KIAA1328: variants seen among roughly 807,000 people sequenced by gnomAD.
KIAA1328 encodes KIAA1328.
KIAA1328 carries 52 observed loss-of-function variants against 68.1 expected under a neutral mutation model. That is an observed-to-expected ratio of 0.76 (90% CI 0.61 to 0.96). The LOEUF is 0.96. KIAA1328 is among the 40% of genes least tolerant of loss of function. The pLI is 0.00. For synonymous variants in KIAA1328, 232 were observed against 239.4 expected (o/e 0.97, Z 0.28); for missense variants, 641 against 677.6 (o/e 0.95, Z 0.60).
At chr18:36,871,594 A>G (rs1182986885) in intron 4 of KIAA1328, among the ~76,000 whole-genome samples, 1 of 152,166 alleles carries the variant, frequency 6.6e-6, no homozygotes, top group Non-Finnish European at 1.5e-5. Context: ...ACAAATGAAT[A>G]TGTAAGCAAG....
At chr18:37,071,222 G>C (rs1402732421) in intron 7 of KIAA1328, among the ~76,000 whole-genome samples, 2 of 151,796 alleles carry the variant, frequency 1.3e-5, no homozygotes, top group African/African-American at 4.8e-5. Flanking sequence ...ACAGGCACGT[G>C]CTGCCATGCC....
Position 36,936,340 on chromosome 18 carries a change from T to C in KIAA1328, c.449-22968T>C, listed in dbSNP as rs1342005132. 2.0e-5 allele frequency among the ~76,000 whole-genome samples: 3 copies of C among 152,156 alleles called. No individual in the cohort carries two copies. The East Asian group carries it at 5.8e-4, about 29-fold the overall frequency. ...CCTCTCTGTGTCCATGTGTTCTCAT[T>C]GTGCAACTCCCACTTATGAGTGAGA... On this transcript the variant is annotated intron_variant, in intron 5 of 9. Coordinates refer to ENST00000280020, the MANE Select transcript of KIAA1328 (RefSeq NM_020776.3).
At chr18:37,190,051 A>G (rs2059876259) in intron 9 of KIAA1328, among the ~76,000 whole-genome samples, 1 of 152,188 alleles carries the variant, frequency 6.6e-6, no homozygotes, top group African/African-American at 2.4e-5. Context: ...TAAAAAAGCA[A>G]AAACTCTTCC....
At chr18:37,164,878 G>A (rs1168862764) in intron 8 of KIAA1328, among the ~76,000 whole-genome samples, 1 of 152,100 alleles carries the variant, frequency 6.6e-6, no homozygotes, top group Non-Finnish European at 1.5e-5. Flanking sequence ...TAAATGTATA[G>A]TGTGATAAAT....
intron 7 of KIAA1328, among the ~76,000 whole-genome samples, chr18:37,099,321 T>C (rs1438317542): frequency 1.3e-5 from 2 of 152,236 alleles, no homozygotes; most frequent in Non-Finnish European, 2.9e-5. Context: ...TCTGCCTTCA[T>C]TTTGTTGTGT....
intron 7 of KIAA1328, among the ~76,000 whole-genome samples, chr18:37,152,450 C>T (rs973748763): frequency 3.9e-5 from 6 of 152,094 alleles, no homozygotes; most frequent in Non-Finnish European, 7.4e-5. Context: ...TAGTAGAAGG[C>T]GAGCAGGGTA....
intron 7 of KIAA1328, among the ~76,000 whole-genome samples, chr18:37,074,118 T>C (rs566444865): frequency 6.6e-6 from 1 of 152,238 alleles, no homozygotes; most frequent in Non-Finnish European, 1.5e-5. Flanking sequence ...CATGTTTGGC[T>C]GTAGTAGGAC....
chr18:37,106,422 CT>C (rs1314317662), intron 7 of KIAA1328, among the ~76,000 whole-genome samples: 348 of 140,088 alleles, frequency 2.5e-3, no homozygotes, highest in Middle Eastern at 0.015. Flanking sequence ...CTAAAAATCA[CT>C]TTTTTTTTTT....
At chr18:36,829,526 T>C in intron 1 of KIAA1328, 1 of 1,004,166 alleles carries the variant, frequency 1.0e-6, no homozygotes, top group Non-Finnish European at 1.2e-6. Flanking sequence ...CCTGTCAGAG[T>C]GCCCCCAGGC....
At chr18:37,117,046 C>A (rs1267261528) in intron 7 of KIAA1328, among the ~76,000 whole-genome samples, 1 of 152,180 alleles carries the variant, frequency 6.6e-6, no homozygotes, top group Non-Finnish European at 1.5e-5. Flanking sequence ...AATAGGAACA[C>A]TTTTACACTG....
chr18:37,065,963 T>C (rs2056323526), intron 6 of KIAA1328, among the ~76,000 whole-genome samples: 1 of 152,172 alleles, frequency 6.6e-6, no homozygotes, highest in East Asian at 1.9e-4. Flanking sequence ...AGGTGTTCCA[T>C]GATATAGACC....
intron 5 of KIAA1328, among the ~76,000 whole-genome samples, chr18:36,958,783 G>A (rs2051529825): frequency 6.6e-6 from 1 of 151,140 alleles, no homozygotes; most frequent in East Asian, 1.9e-4. Flanking sequence ...TCAGGGGGTT[G>A]TTTTTTCAAA....
intron 9 of KIAA1328, among the ~76,000 whole-genome samples, chr18:37,216,995 T>A (rs1410123467): frequency 1.4e-5 from 1 of 72,636 alleles, no homozygotes; most frequent in Non-Finnish European, 2.6e-5. Flanking sequence ...TTTTTGTTTG[T>A]TTTTTTTTTG....
At chr18:37,182,112 G>A (rs1427251111) in intron 9 of KIAA1328, among the ~76,000 whole-genome samples, 1 of 152,088 alleles carries the variant, frequency 6.6e-6, no homozygotes, top group African/African-American at 2.4e-5. Flanking sequence ...GTTCAGTATT[G>A]CCAGTTCCTG....
intron 5 of KIAA1328, among the ~76,000 whole-genome samples, chr18:36,889,821 T>G (rs1012878926): frequency 1.2e-4 from 19 of 152,206 alleles, no homozygotes; most frequent in African/African-American, 3.9e-4. Context: ...CTTTCTTCAC[T>G]GGGATTTTGT....
At chr18:37,052,605 C>A (rs911464695) in intron 6 of KIAA1328, among the ~76,000 whole-genome samples, 13 of 152,116 alleles carry the variant, frequency 8.5e-5, no homozygotes, top group African/African-American at 2.4e-4. Context: ...CTAAAGATTT[C>A]TCCAAAAGGC....
intron 7 of KIAA1328, among the ~76,000 whole-genome samples, chr18:37,159,937 T>C (rs1003363397): frequency 2.0e-5 from 3 of 152,202 alleles, no homozygotes; most frequent in African/African-American, 7.2e-5. Flanking sequence ...TCTGTGACTT[T>C]ATTAGCTGTT....
intron 6 of KIAA1328, among the ~76,000 whole-genome samples, chr18:37,039,802 C>T (rs1362297409): frequency 1.3e-5 from 2 of 152,140 alleles, no homozygotes; most frequent in African/African-American, 4.8e-5. Context: ...GGTCAGAAGT[C>T]CGGTTGAACT....
Position 37,223,431 on chromosome 18 carries a change from G to A in KIAA1328, c.*1204G>A. On this transcript the variant is annotated 3_prime_UTR_variant, in exon 10 of 10. Transcript: ENST00000280020. ...CTTCAGCTTGCAGTGGTCCCTAGTA[G>A]CCTCTCAAGCTAATGGGGATGATGA... 1 of 985,416 alleles carries A rather than the reference G, an allele frequency of 1.0e-6. No homozygotes were observed. The highest frequency in any genetic ancestry group is 4.7e-5 in the South Asian group (1 of 21,284). 61.0% of individuals were successfully genotyped at this position (985,416 alleles called of 1,614,324 possible). A position where few individuals can be genotyped will look rare whatever the true frequency, so the allele number is the denominator to read the frequency against.
Sources: gnomAD v4.1 joint callset for allele counts (sites outside exome capture counted in the v4.1 genomes callset) on GRCh38, gnomAD v4.1.1 for gene constraint, MANE v1.5 for transcripts, NCBI Gene and HGNC (gene_info 2026-07-23, HGNC 2026-07-21) for gene names.